The following RHOT1 variants were observed in gnomAD, a reference collection of about 807,000 sequenced individuals.
RHOT1 encodes ras homolog family member T1.
Under a neutral mutation model 95.3 loss-of-function variants are expected in RHOT1, and 27 were observed. That is an observed-to-expected ratio of 0.28 (90% CI 0.21 to 0.39). RHOT1 has a LOEUF of 0.39. Among genes scored for constraint, RHOT1 ranks in the 10% least tolerant of loss-of-function variants. The probability of loss-of-function intolerance (pLI) is 1.00; values close to 1 mark genes in which losing one functional copy is unlikely to be tolerated. For synonymous variants in RHOT1, 227 were observed against 263.5 expected (o/e 0.86, Z 1.34); for missense variants, 578 against 786.7 (o/e 0.73, Z 3.17).
chr17:32,204,635 TAAAAA>T (rs57746638), intron 16 of RHOT1, among the ~76,000 whole-genome samples: 1 of 149,336 alleles, frequency 6.7e-6, no homozygotes, highest in Admixed American at 6.7e-5. Flanking sequence ...TTAAAAAAAT[TAAAAA>T]AAAAATTAAG....
intron 16 of RHOT1, among the ~76,000 whole-genome samples, chr17:32,204,844 G>A (rs993800383): frequency 1.3e-5 from 2 of 151,594 alleles, no homozygotes; most frequent in Non-Finnish European, 2.9e-5. Context: ...TTAGCTGGGC[G>A]TGGTGGCACG....
At position 32,211,127 on chromosome 17, in the gene RHOT1, T is replaced by TA. The variant is rs1404644228; in HGVS notation, c.1752dup (p.Arg585ThrfsTer36). The TA allele has an allele frequency of 6.2e-7, 1 of 1,608,220 alleles. No homozygotes were observed. Among genetic ancestry groups the TA allele is most frequent in the South Asian group, 1.1e-5 (1 of 90,502 alleles). ...GTGTGTTTTCGCAGCCATGCCCGGTTACGCTGTATGTGCACCTGCAACAGG... is the reference window on the plus strand; with the variant it reads ...GTGTGTTTTCGCAGCCATGCCCGGTTAACGCTGTATGTGCACCTGCAACAGG... On this transcript the variant is annotated frameshift_variant, in exon 19 of 20. Transcript: ENST00000545287. LOFTEE classifies it high-confidence loss of function.
At chr17:32,203,299 G>A (rs1239625493) in intron 15 of RHOT1, among the ~76,000 whole-genome samples, 23 of 117,660 alleles carry the variant, frequency 2.0e-4, no homozygotes, top group African/African-American at 6.1e-4. Flanking sequence ...TTTTTGAGGC[G>A]AGGCATTGCT....
intron 1 of RHOT1, among the ~76,000 whole-genome samples, chr17:32,152,306 G>C (rs1054184680): frequency 3.9e-5 from 6 of 152,248 alleles, no homozygotes; most frequent in African/African-American, 1.4e-4. Context: ...TACACAGGCA[G>C]CCAGAACTGA....
At chr17:32,190,405 A>G (rs1033974914) in intron 8 of RHOT1, among the ~76,000 whole-genome samples, 2 of 152,128 alleles carry the variant, frequency 1.3e-5, no homozygotes, top group Non-Finnish European at 2.9e-5. Flanking sequence ...CAGTGAGCCA[A>G]GATCGCACAA....
At chr17:32,205,128 G>A (rs918504310) in intron 16 of RHOT1, among the ~76,000 whole-genome samples, 2 of 151,062 alleles carry the variant, frequency 1.3e-5, no homozygotes, top group Non-Finnish European at 2.9e-5. Context: ...TTTAAGACCC[G>A]CATGCATTAG....
chr17:32,182,313 C>CA (rs57679273), intron 6 of RHOT1, among the ~76,000 whole-genome samples: 2,781 of 145,006 alleles, frequency 0.019, 83 homozygotes, highest in African/African-American at 0.067. Flanking sequence ...CCCTTCTCTA[C>CA]AAAAAAAAAA....
At position 32,195,264 on chromosome 17, in the gene RHOT1, T is replaced by TTTTC. The variant is rs200922855; in HGVS notation, c.869+1169_869+1172dup. Among the ~76,000 whole-genome samples, 619 of 152,188 alleles carry TTTTC rather than the reference T, an allele frequency of 4.1e-3. 6 individuals are homozygous for TTTTC. The highest frequency in any genetic ancestry group is 0.032 in the East Asian group (164 of 5,170). On this transcript the variant is annotated intron_variant, in intron 11 of 19. Coordinates refer to ENST00000545287, the MANE Select transcript of RHOT1 (RefSeq NM_001033566.3). ...GTGTGCAACACAATGCCTGGCTTTT[T>TTTTC]TTTCTTTCTTTCTTTGTTTTCTTTT...
intron 15 of RHOT1, among the ~76,000 whole-genome samples, chr17:32,203,671 C>CT (rs932856039): frequency 1.3e-5 from 2 of 152,182 alleles, no homozygotes; most frequent in African/African-American, 4.8e-5. Flanking sequence ...TCCTTTTTAG[C>CT]TACTGCTTGT....
chr17:32,216,534 G>A (rs1372698434), intron 19 of RHOT1, among the ~76,000 whole-genome samples: 1 of 152,104 alleles, frequency 6.6e-6, no homozygotes, highest in African/African-American at 2.4e-5. Flanking sequence ...CCAAAAGTAT[G>A]ATGGATAGAC....
intron 8 of RHOT1, among the ~76,000 whole-genome samples, chr17:32,184,476 ATTTTTTTTATTTTTTAT>A (rs1028255200): frequency 3.3e-5 from 5 of 150,658 alleles, no homozygotes; most frequent in African/African-American, 1.2e-4. Flanking sequence ...GGTGGGTTTT[ATTTTTTTTATTTTTTAT>A]TTTTTTTTAT....
At chr17:32,219,389 A>G (rs1245283484) in intron 19 of RHOT1, among the ~76,000 whole-genome samples, 4 of 152,124 alleles carry the variant, frequency 2.6e-5, no homozygotes, top group African/African-American at 7.2e-5. Flanking sequence ...CAGCCCCCCA[A>G]AGATCTGGGA....
In RHOT1 at chr17:32,158,679, TG is replaced by T. The variant is rs538029226; in HGVS notation, c.38-12363del. On this transcript the variant is annotated intron_variant, in intron 1 of 19. Coordinates refer to ENST00000545287, the MANE Select transcript of RHOT1 (RefSeq NM_001033566.3). ...TTCACCATGTTGGCCAGGCTGGTCT[TG>T]ATCTCTTGACCTCGTGATCCGCCCA... Among the ~76,000 whole-genome samples, 71 of 152,008 alleles carry T rather than the reference TG, an allele frequency of 4.7e-4. 1 individual carries two copies. The highest frequency in any genetic ancestry group is 8.5e-4 in the Non-Finnish European group (58 of 67,946).
At chr17:32,192,962 GC>G (rs1191668105) in intron 9 of RHOT1, among the ~76,000 whole-genome samples, 173 bp from the exon 10 acceptor site, 42 of 152,260 alleles carry the variant, frequency 2.8e-4, no homozygotes, top group Non-Finnish European at 4.7e-4. Context: ...ACTGCACCCA[GC>G]CCATGTTTTA....
At chr17:32,166,597 A>G (rs1027844880) in intron 1 of RHOT1, among the ~76,000 whole-genome samples, 1 of 152,228 alleles carries the variant, frequency 6.6e-6, no homozygotes, top group Non-Finnish European at 1.5e-5. Flanking sequence ...AACTAAGTTT[A>G]TGTAATATTC....
chr17:32,221,980 T>G (rs2038861384), intron 19 of RHOT1, among the ~76,000 whole-genome samples: 1 of 152,242 alleles, frequency 6.6e-6, no homozygotes, highest in East Asian at 1.9e-4. Context: ...GTGAAACAGA[T>G]ATCTATATTT....
chr17:32,213,877 A>G (rs902790970), intron 19 of RHOT1, among the ~76,000 whole-genome samples: 8 of 152,196 alleles, frequency 5.3e-5, no homozygotes, highest in Admixed American at 1.3e-4. Context: ...AATGAATACT[A>G]TTGTGCATAG....
intron 19 of RHOT1, among the ~76,000 whole-genome samples, chr17:32,217,357 C>T (rs1011602516): frequency 1.3e-5 from 2 of 152,222 alleles, no homozygotes; most frequent in Admixed American, 6.5e-5. Flanking sequence ...ATATGTTTAT[C>T]CTAATAAATA....
intron 8 of RHOT1, among the ~76,000 whole-genome samples, chr17:32,190,805 C>CT (rs991974785): frequency 6.6e-6 from 1 of 151,706 alleles, no homozygotes; most frequent in Non-Finnish European, 1.5e-5. Context: ...CAGATGCTTT[C>CT]TTTTTTTTGA....
Sources: gnomAD v4.1 joint callset for allele counts (sites outside exome capture counted in the v4.1 genomes callset) on GRCh38, gnomAD v4.1.1 for gene constraint, MANE v1.5 for transcripts, NCBI Gene and HGNC (gene_info 2026-07-23, HGNC 2026-07-21) for gene names.